Variants in ATP2C2 observed in about 807,000 individuals in gnomAD.
ATP2C2 encodes the protein ATPase secretory pathway Ca2+ transporting 2, also known as calcium-transporting ATPase type 2C member 2.
In ATP2C2, 171 loss-of-function variants were observed where a neutral mutation model predicts 110.8. The observed-to-expected ratio is 1.54, with a 90% CI of 1.36 to 1.75. The LOEUF (loss-of-function observed/expected upper bound fraction) is 1.75, where lower values mean the gene tolerates loss of function less well. Among genes scored for constraint, ATP2C2 ranks in the 40% most tolerant of loss-of-function variants. The pLI, the probability that ATP2C2 is intolerant of heterozygous loss-of-function variation, is 0.00. For synonymous variants in ATP2C2, 804 were observed against 508.4 expected (o/e 1.58, Z -7.82); for missense variants, 1,963 against 1,235.0 (o/e 1.59, Z -8.84).
chr16:84,438,911 G>C (rs1437060550), intron 11 of ATP2C2: 1 of 398,426 alleles, frequency 2.5e-6, no homozygotes, highest in Non-Finnish European at 4.5e-6. Context: ...ACAGCTGACA[G>C]ACTAATTCAC....
Position 84,425,809 on chromosome 16 carries a change from T to A in ATP2C2, c.986+8T>A. On this transcript the variant is annotated splice_region_variant and intron_variant, in intron 11 of 26. Transcript: ENST00000262429. ...GTTCACGATCGGGGTCAGGTAAGAGTGCTATGGCCGCCCCTTGCCTTGCCA... is the reference window on the plus strand; with the variant it reads ...GTTCACGATCGGGGTCAGGTAAGAGAGCTATGGCCGCCCCTTGCCTTGCCA... 1.9e-6 allele frequency: 3 copies of A among 1,613,706 alleles called. No homozygotes were observed. The Admixed American group carries it at 5.0e-5, about 27-fold the overall frequency.
At chr16:84,461,358 C>G (rs746922213) in intron 24 of ATP2C2, 2 of 399,504 alleles carry the variant, frequency 5.0e-6, no homozygotes, top group South Asian at 6.0e-5. Context: ...AGCTCTCCCT[C>G]TACTACTGAC....
intron 17 of ATP2C2, among the ~76,000 whole-genome samples, chr16:84,451,184 C>A (rs1236266226): frequency 1.3e-5 from 2 of 152,100 alleles, no homozygotes; most frequent in Non-Finnish European, 1.5e-5. Flanking sequence ...GAGAGCCAAG[C>A]CTAAGGGGAA....
chr16:84,395,798 C>T (rs1904936559), intron 1 of ATP2C2, among the ~76,000 whole-genome samples: 1 of 152,144 alleles, frequency 6.6e-6, no homozygotes, highest in South Asian at 2.1e-4. Flanking sequence ...CTGTGTCTGG[C>T]CCTTTTCTTC....
Position 84,419,509 on chromosome 16 carries a change from G to C in ATP2C2, c.625-2881G>C, listed in dbSNP as rs894507519. On this transcript the variant is annotated intron_variant, in intron 7 of 26. Transcript: ENST00000262429. Reference sequence around the variant, plus strand: ...TCCTTCAGTTAGTCACGTCTGCATAGTCTCTGTCACCACATCAGAGAACAC... The same window carrying C: ...TCCTTCAGTTAGTCACGTCTGCATACTCTCTGTCACCACATCAGAGAACAC... 2.6e-5 allele frequency among the ~76,000 whole-genome samples: 4 copies of C among 152,174 alleles called. No individual in the cohort carries two copies. In the East Asian group the frequency reaches 5.8e-4, roughly 22 times the overall value.
intron 3 of ATP2C2, among the ~76,000 whole-genome samples, chr16:84,408,110 C>T (rs953469509): frequency 4.7e-4 from 72 of 152,166 alleles, no homozygotes; most frequent in African/African-American, 1.7e-3. Flanking sequence ...CCGAAAGTCC[C>T]GGCCTGGAGC....
At position 84,425,793 on chromosome 16, in the gene ATP2C2, C is replaced by T. The variant is rs546891646; in HGVS notation, c.978C>T (p.Ile326=). The T allele has an allele frequency of 8.1e-6, 13 of 1,613,992 alleles. No individual in the cohort carries two copies. Among genetic ancestry groups the T allele is most frequent in the African/African-American group, 2.7e-5 (2 of 74,884 alleles). The change falls in exon 11 of 27, where the codon ATC becomes ATT. Residue 326 remains isoleucine, a synonymous_variant. Transcript: ENST00000262429. ...AACAACTCCTGAGTATGTTCACGAT[C>T]GGGGTCAGGTAAGAGTGCTATGGCC... ...QGKQLLSMFT[I]GVSLAVAAIP...
intron 16 of ATP2C2, among the ~76,000 whole-genome samples, chr16:84,447,458 A>G (rs568866838): frequency 1.5e-3 from 229 of 151,774 alleles, no homozygotes; most frequent in Non-Finnish European, 2.9e-3. Flanking sequence ...AGGTAATTCT[A>G]TTTTAAGTCT....
chr16:84,432,679 C>G (rs1908388828), intron 11 of ATP2C2, among the ~76,000 whole-genome samples: 1 of 152,064 alleles, frequency 6.6e-6, no homozygotes, highest in African/African-American at 2.4e-5. Context: ...TGCCACCACA[C>G]CCAGCTAATT....
intron 6 of ATP2C2, 181 bp downstream of exon 6, chr16:84,410,946 G>A: frequency 1.6e-6 from 1 of 639,370 alleles, no homozygotes; most frequent in East Asian, 2.8e-5. Context: ...CCTCGGGCAT[G>A]TCACTCAACC....
At chr16:84,388,847 C>T (rs1782332721) in intron 1 of ATP2C2, among the ~76,000 whole-genome samples, 1 of 152,212 alleles carries the variant, frequency 6.6e-6, no homozygotes, top group Non-Finnish European at 1.5e-5. Context: ...TCTTGGCTCA[C>T]TGCTACCTCC....
intron 7 of ATP2C2, among the ~76,000 whole-genome samples, chr16:84,418,401 A>T (rs184100678): frequency 2.0e-5 from 3 of 152,152 alleles, no homozygotes; most frequent in Admixed American, 6.5e-5. Flanking sequence ...TGCTGAACCC[A>T]CACACAACCA....
intron 17 of ATP2C2, among the ~76,000 whole-genome samples, chr16:84,450,661 T>C (rs1330846931): frequency 6.6e-6 from 1 of 152,016 alleles, no homozygotes; most frequent in East Asian, 1.9e-4. Flanking sequence ...AGCCCCATCT[T>C]TGGTGTCAGT....
intron 23 of ATP2C2, chr16:84,460,263 A>C (rs1911156382): frequency 3.4e-6 from 1 of 292,190 alleles, no homozygotes; most frequent in South Asian, 3.5e-5. Flanking sequence ...TGCTGTGTGG[A>C]GTTGGCTGGA....
In ATP2C2 at chr16:84,459,612, C is replaced by T. The variant is rs555678936; in HGVS notation, c.2333+226C>T. On this transcript the variant is annotated intron_variant, in intron 23 of 26. Transcript: ENST00000262429. ...AGCTGGGTGAGGATGGAACTTTCTGCTCCCTCTGCCTGGATGCTCTCTCTG... is the reference window on the plus strand; with the variant it reads ...AGCTGGGTGAGGATGGAACTTTCTGTTCCCTCTGCCTGGATGCTCTCTCTG... 5.1e-5 allele frequency: 78 copies of T among 1,527,586 alleles called. 1 individual carries two copies. The African/African-American group carries it at 9.3e-4, about 18-fold the overall frequency. The allele number at this position is 1,527,586 out of a possible 1,614,324, so 94.6% of individuals were successfully genotyped here. A position where few individuals can be genotyped will look rare whatever the true frequency, so the allele number is the denominator to read the frequency against.
At chr16:84,404,868 T>C (rs2150518930) in intron 2 of ATP2C2, 1 of 568,104 alleles carries the variant, frequency 1.8e-6, no homozygotes, top group East Asian at 4.1e-5. Flanking sequence ...TGGAAGTCTA[T>C]GCTGCATTTC....
At chr16:84,410,005 G>A (rs555001187) in intron 4 of ATP2C2, among the ~76,000 whole-genome samples, 5 of 152,022 alleles carry the variant, frequency 3.3e-5, no homozygotes, top group South Asian at 4.1e-4. Flanking sequence ...TCAGGAGATC[G>A]AGACCATCCT....
intron 2 of ATP2C2, among the ~76,000 whole-genome samples, chr16:84,398,895 A>G (rs1295269457): frequency 6.6e-6 from 1 of 152,210 alleles, no homozygotes; most frequent in Non-Finnish European, 1.5e-5. Context: ...AAAAACATAA[A>G]GGGATGGAAG....
intron 1 of ATP2C2, among the ~76,000 whole-genome samples, chr16:84,394,021 A>G (rs1306046868): frequency 9.3e-5 from 14 of 151,038 alleles, no homozygotes; most frequent in East Asian, 5.8e-4. Flanking sequence ...TAAAAAAATA[A>G]AAAATAAAAA....
Sources: allele counts gnomAD v4.1 joint callset (sites outside exome capture counted in the v4.1 genomes callset), GRCh38; gene constraint gnomAD v4.1.1; transcripts MANE v1.5; gene names NCBI Gene and HGNC (gene_info 2026-07-23, HGNC 2026-07-21).